GOLGA2: variants seen among roughly 807,000 people sequenced by gnomAD.
GOLGA2 encodes the protein golgin subfamily A member 2.
A neutral mutation model predicts 148.8 loss-of-function variants in GOLGA2; 49 were observed. The observed-to-expected ratio is 0.33, with a 90% CI of 0.26 to 0.42. GOLGA2 has a LOEUF of 0.42. Among genes scored for constraint, GOLGA2 ranks in the 10% least tolerant of loss-of-function variants. The probability of loss-of-function intolerance (pLI) is 1.00; values close to 1 mark genes in which losing one functional copy is unlikely to be tolerated. For missense variants in GOLGA2, 1,178 were observed against 1,304.6 expected, an observed-to-expected ratio of 0.90 and a Z score of 1.49; for synonymous variants, 501 against 511.8, an observed-to-expected ratio of 0.98 and a Z score of 0.28.
In GOLGA2 at chr9:128,259,311, G is replaced by A. The variant is rs747352647; in HGVS notation, c.1953C>T (p.Ala651=). The A allele has an allele frequency of 5.1e-5, 82 of 1,610,974 alleles. No homozygotes were observed. In the East Asian group the frequency reaches 1.6e-3, roughly 32 times the overall value. ...QYLGHLQQYV[A]AYQQLTSEKE... ...TCTCAGAGGTCAGCTGCTGATAGGC[G>A]GCCACATACTGCTGCAGGTGTCCCA... Residue 651 remains alanine (A), a synonymous_variant, in exon 20 of 27, where the codon GCC becomes GCT. Coordinates refer to ENST00000611957, the MANE Select transcript of GOLGA2 (RefSeq NM_001366244.2).
chr9:128,274,038 C>T, intron 1 of GOLGA2, 66 bp from the exon 2 acceptor site: 1 of 1,513,792 alleles, frequency 6.6e-7, no homozygotes. Flanking sequence ...TCCTACTTTA[C>T]AATTTTTCCA....
rs763957743 is a variant in GOLGA2 at position 128,260,852 on chromosome 9, T to C, written c.1421-50A>G. The C allele has an allele frequency of 3.9e-6, 5 of 1,293,734 alleles. No individual in the cohort carries two copies. In the Admixed American group the frequency reaches 9.0e-5, roughly 23 times the overall value. The allele number at this position is 1,293,734 out of a possible 1,614,324, so 80.1% of individuals were successfully genotyped here. A position where few individuals can be genotyped will look rare whatever the true frequency, so the allele number is the denominator to read the frequency against. On this transcript the variant is annotated intron_variant, in intron 17 of 26. Coordinates refer to ENST00000611957, the MANE Select transcript of GOLGA2 (RefSeq NM_001366244.2). The surrounding 1 kb of genome is among the most constrained non-coding windows in gnomAD (Gnocchi z 4.8). ...AGCCTCTGGATTCTCAAAAAAACCC[T>C]CCTCTTGGTCCATACCTCCTCTCAA...
Position 128,257,100 on chromosome 9 carries a change from G to A in GOLGA2, c.3057C>T (p.Asp1019=), listed in dbSNP as rs139986607. 59 of 1,613,926 alleles carry A rather than the reference G, an allele frequency of 3.7e-5. No homozygotes were observed. Among genetic ancestry groups the A allele is most frequent in the South Asian group, 1.4e-4 (13 of 91,066 alleles). ...CAGTGATCTTCACCTCATCATTCTC[G>A]TCAGCCCGGTAAAAAAAAGGAATGC... ...NPCIPFFYRA[D]ENDEVKITVI Residue 1019 remains aspartate (D), a synonymous_variant, in exon 27 of 27, where the codon GAC becomes GAT. Transcript: ENST00000611957. This position sits in a 1 kb window ranked among gnomAD's most constrained non-coding sequence, Gnocchi z 8.0.
rs553430584 is a variant in GOLGA2 at position 128,262,497 on chromosome 9, A to G, written c.1134+66T>C. On this transcript the variant is annotated intron_variant, in intron 14 of 26. Transcript: ENST00000611957. ...TGGCTGGAGTCTCCCCATGCCCTGC[A>G]TGATCCCTAGACCATGGCCCCAGCT... 5.4e-5 allele frequency: 81 copies of G among 1,505,582 alleles called. 3 individuals carry two copies. The South Asian group carries it at 9.9e-4, about 18-fold the overall frequency. 93.3% of individuals were successfully genotyped at this position (1,505,582 alleles called of 1,614,324 possible). A position where few individuals can be genotyped will look rare whatever the true frequency, so the allele number is the denominator to read the frequency against.
At chr9:128,264,481 G>A (rs1205393673) in intron 12 of GOLGA2, among the ~76,000 whole-genome samples, 1 of 151,742 alleles carries the variant, frequency 6.6e-6, no homozygotes, top group Non-Finnish European at 1.5e-5. Context: ...AGGCTGGAGG[G>A]CAGTGGCACG....
At chr9:128,259,118 G>A (rs372053134) in intron 20 of GOLGA2, 36 bp from the exon 21 acceptor site, 2 of 1,599,924 alleles carry the variant, frequency 1.3e-6, no homozygotes, top group East Asian at 4.5e-5. Flanking sequence ...AAGGCATGGA[G>A]GTTGCCAGGT....
chr9:128,258,562 G>A lies in GOLGA2; in HGVS notation c.2182C>T (p.Leu728=), dbSNP rs1441748925. The A allele has an allele frequency of 1.3e-6, 2 of 1,563,640 alleles. No homozygotes were observed. Among genetic ancestry groups the A allele is most frequent in the Non-Finnish European group, 1.7e-6 (2 of 1,154,834 alleles). ...LMAHPGEGDG[L]DREEEEDEEE... is the part of the protein sequence containing the mutation. ...TCATCCTCCTCCTCCTCCCGGTCCAGTCCATCTCCTATGGGGGTGGCCAGA... is the reference window on the plus strand; with the variant it reads ...TCATCCTCCTCCTCCTCCCGGTCCAATCCATCTCCTATGGGGGTGGCCAGA... Residue 728 remains leucine (L), a synonymous_variant, in exon 22 of 27, where the codon CTG becomes TTG. Coordinates refer to ENST00000611957, the MANE Select transcript of GOLGA2 (RefSeq NM_001366244.2). This position sits in a 1 kb window ranked among gnomAD's most constrained non-coding sequence, Gnocchi z 6.6.
rs1779860436 is a variant in GOLGA2 at position 128,266,024 on chromosome 9, TAGGAAG to T, written c.682-10_682-5del. The T allele has an allele frequency of 6.2e-7, 1 of 1,611,350 alleles. No individual in the cohort carries two copies. The highest frequency in any genetic ancestry group is 8.5e-7 in the Non-Finnish European group (1 of 1,177,508). Reference sequence around the variant, plus strand: ...TTTGGTGGCATTCTTTCTTTTCCTATAGGAAGAGGAAGACAGAGCTCTTACGAGGGG... The same window carrying T: ...TTTGGTGGCATTCTTTCTTTTCCTATAGGAAGACAGAGCTCTTACGAGGGG... On this transcript the variant is annotated splice_region_variant and splice_polypyrimidine_tract_variant and intron_variant, in intron 9 of 26. Transcript: ENST00000611957. The surrounding 1 kb of genome is among the most constrained non-coding windows in gnomAD (Gnocchi z 4.2).
At chr9:128,275,687 A>G (rs1229539642) in intron 1 of GOLGA2, among the ~76,000 whole-genome samples, 1 of 151,964 alleles carries the variant, frequency 6.6e-6, no homozygotes, top group Non-Finnish European at 1.5e-5. Flanking sequence ...CACCAGCCCA[A>G]AGTCACCCGG....
In GOLGA2 at chr9:128,275,336, G is replaced by A. The variant is rs1831252089; in HGVS notation, c.84+557C>T. Reference sequence around the variant, plus strand: ...CTCGCGCAACTAATTACGGTTCCGAGGGGGATTGTGACGTCACTACATTCC... The same window carrying A: ...CTCGCGCAACTAATTACGGTTCCGAAGGGGATTGTGACGTCACTACATTCC... On this transcript the variant is annotated intron_variant, in intron 1 of 26. Coordinates refer to ENST00000611957, the MANE Select transcript of GOLGA2 (RefSeq NM_001366244.2). 3.5e-6 allele frequency: 4 copies of A among 1,128,826 alleles called. No individual in the cohort carries two copies. In the Middle Eastern group the frequency reaches 6.3e-4, roughly 177 times the overall value. The allele number at this position is 1,128,826 out of a possible 1,614,324, so 69.9% of individuals were successfully genotyped here.
intron 3 of GOLGA2, among the ~76,000 whole-genome samples, chr9:128,272,493 G>GA (rs1192654554): frequency 1.9e-4 from 27 of 144,170 alleles, no homozygotes; most frequent in Non-Finnish European, 2.5e-4. Flanking sequence ...AAAAAAAGAA[G>GA]AAAAAAAAAA....
At position 128,258,412 on chromosome 9, in the gene GOLGA2, C is replaced by T. The variant is rs1194451100; in HGVS notation, c.2289+43G>A. 1.3e-6 allele frequency: 2 copies of T among 1,545,294 alleles called. No individual in the cohort carries two copies. The highest frequency in any genetic ancestry group is 1.8e-6 in the Non-Finnish European group (2 of 1,118,784). On this transcript the variant is annotated intron_variant, in intron 22 of 26. Coordinates refer to ENST00000611957, the MANE Select transcript of GOLGA2 (RefSeq NM_001366244.2). The surrounding 1 kb of genome is among the most constrained non-coding windows in gnomAD (Gnocchi z 6.6). ...GCAGAAGGGGGTCTGGGAGGGACCA[C>T]AGAGGGAGGCAGCAAAGGTTGGGGA...
In GOLGA2 at chr9:128,259,280, C is replaced by A; in HGVS notation, c.1984G>T (p.Val662Leu). The A allele has an allele frequency of 6.2e-7, 1 of 1,612,058 alleles. No individual in the cohort carries two copies. Among genetic ancestry groups the A allele is most frequent in the Non-Finnish European group, 8.5e-7 (1 of 1,179,360 alleles). The change falls in exon 20 of 27, where the codon GTG becomes TTG. Residue 662 changes from valine to leucine, a missense_variant. Physicochemically the swap from Val to Leu is conservative, Grantham distance 32 (BLOSUM62 1). This residue lies in a region of GOLGA2 where 529 missense variants were observed against 521.8 expected (regional missense o/e 1.01). Coordinates refer to ENST00000611957, the MANE Select transcript of GOLGA2 (RefSeq NM_001366244.2). ...TGCAGCAGTAGCTGATTATGCAGCACCTCCTTCTCAGAGGTCAGCTGCTGA... is the reference window on the plus strand; with the variant it reads ...TGCAGCAGTAGCTGATTATGCAGCAACTCCTTCTCAGAGGTCAGCTGCTGA... ...AYQQLTSEKE[V>L]LHNQLLLQTQ... is the part of the protein sequence containing the mutation.
At position 128,257,532 on chromosome 9, in the gene GOLGA2, G is replaced by A; in HGVS notation, c.2719-7C>T. 6.2e-7 allele frequency: 1 copy of A among 1,614,034 alleles called. No homozygotes were observed. Among genetic ancestry groups the A allele is most frequent in the Non-Finnish European group, 8.5e-7 (1 of 1,180,022 alleles). ...GCAGCTCCAGCAGCTTCACCTGGAG[G>A]GAGGGGTGCTAAGCTGCCATGCCCA... On this transcript the variant is annotated splice_region_variant and splice_polypyrimidine_tract_variant and intron_variant, in intron 25 of 26. Coordinates refer to ENST00000611957, the MANE Select transcript of GOLGA2 (RefSeq NM_001366244.2). This position sits in a 1 kb window ranked among gnomAD's most constrained non-coding sequence, Gnocchi z 8.0.
chr9:128,268,674 G>A, intron 3 of GOLGA2, 150 bp from the exon 4 acceptor site: 1 of 599,626 alleles, frequency 1.7e-6, no homozygotes, highest in East Asian at 2.8e-5. Context: ...GTGTGGATTG[G>A]TTGCCCAGGC....
chr9:128,274,987 C>A (rs1831217836), intron 1 of GOLGA2, among the ~76,000 whole-genome samples: 1 of 152,120 alleles, frequency 6.6e-6, no homozygotes, highest in Non-Finnish European at 1.5e-5. Flanking sequence ...GTCCCAGAAC[C>A]ATGGAGAATT....
At chr9:128,262,383 A>C (rs1830325955) in intron 14 of GOLGA2, among the ~76,000 whole-genome samples, 180 bp downstream of exon 14, 1 of 152,162 alleles carries the variant, frequency 6.6e-6, no homozygotes, top group South Asian at 2.1e-4. Flanking sequence ...TAAGATTCTG[A>C]TTCCCCAGGT....
rs568814294 is a variant in GOLGA2, at chr9:128,262,910, T to G, written c.992+124A>C. Reference sequence around the variant, plus strand: ...TCAGTGGCACAGCTGGCACTAGAGCTTTGCTGGGCACACATGCACACCTCT... The same window carrying G: ...TCAGTGGCACAGCTGGCACTAGAGCGTTGCTGGGCACACATGCACACCTCT... On this transcript the variant is annotated intron_variant, in intron 13 of 26. Coordinates refer to ENST00000611957, the MANE Select transcript of GOLGA2 (RefSeq NM_001366244.2). 4.4e-4 allele frequency: 367 copies of G among 830,056 alleles called. 1 individual carries two copies. In the African/African-American group the frequency reaches 5.3e-3, roughly 12 times the overall value. The allele number at this position is 830,056 out of a possible 1,614,324, so 51.4% of individuals were successfully genotyped here.
intron 4 of GOLGA2, 47 bp from the exon 5 acceptor site, chr9:128,268,207 A>G (rs369069833): frequency 6.5e-7 from 1 of 1,532,148 alleles, no homozygotes; most frequent in African/African-American, 1.4e-5. Context: ...TTCTGGTAAG[A>G]ATCACCCAGG....
Sources: gnomAD v4.1 joint callset for allele counts (sites outside exome capture counted in the v4.1 genomes callset) on GRCh38, gnomAD v4.1.1 for gene constraint, gnomAD v4.1.1 regional missense constraint, Gnocchi (gnomAD v3.1) non-coding constraint, MANE v1.5 for transcripts, NCBI Gene and HGNC (gene_info 2026-07-23, HGNC 2026-07-21) for gene names.